Variants in MLLT10 observed in about 807,000 individuals in gnomAD.
MLLT10 encodes MLLT10 histone lysine methyltransferase DOT1L cofactor, also known as protein AF-10.
In MLLT10, 30 loss-of-function variants were observed where a neutral mutation model predicts 129.1. The ratio of observed to expected loss-of-function variants is 0.23; its 90% confidence interval spans 0.17 to 0.32. MLLT10 has a LOEUF of 0.32. Ranked by LOEUF, MLLT10 falls within the 10% of genes least tolerant of loss-of-function variation. The pLI is 1.00. For missense variants in MLLT10, 1,119 were observed against 1,268.3 expected (o/e 0.88, Z 1.79); for synonymous variants, 490 against 446.4 (o/e 1.10, Z -1.23).
intron 9 of MLLT10, among the ~76,000 whole-genome samples, chr10:21,653,642 A>G (rs1267256951): frequency 6.6e-6 from 1 of 152,172 alleles, no homozygotes; most frequent in Non-Finnish European, 1.5e-5. Context: ...TTGCCATGTA[A>G]TATAACATAT....
At chr10:21,719,848 T>C (rs982252289) in intron 14 of MLLT10, among the ~76,000 whole-genome samples, 2 of 152,244 alleles carry the variant, frequency 1.3e-5, no homozygotes, top group African/African-American at 4.8e-5. Context: ...CAGTGAGAAA[T>C]TGTACAGGAA....
chr10:21,581,465 G>A (rs1224743852), intron 3 of MLLT10, among the ~76,000 whole-genome samples: 1 of 152,180 alleles, frequency 6.6e-6, no homozygotes, highest in Non-Finnish European at 1.5e-5. Context: ...AAGTTGCTCT[G>A]GGTGAGTCAG....
chr10:21,705,815 A>G (rs1158718563), intron 13 of MLLT10, among the ~76,000 whole-genome samples: 2 of 152,170 alleles, frequency 1.3e-5, no homozygotes, highest in Non-Finnish European at 2.9e-5. Context: ...TAGAACATGT[A>G]TGGGATACAG....
chr10:21,536,728 G>A (rs993542015), intron 2 of MLLT10, among the ~76,000 whole-genome samples: 31 of 151,846 alleles, frequency 2.0e-4, no homozygotes, highest in African/African-American at 5.3e-4. Context: ...CAACCATGTC[G>A]GGCTAATTTT....
intron 13 of MLLT10, among the ~76,000 whole-genome samples, chr10:21,711,823 C>G (rs953554071): frequency 3.3e-5 from 5 of 152,188 alleles, no homozygotes; most frequent in Admixed American, 3.3e-4. Context: ...TGGCTCACCA[C>G]TTTTCTCACT....
chr10:21,647,333 G>A (rs2048596398), intron 8 of MLLT10, among the ~76,000 whole-genome samples: 1 of 152,126 alleles, frequency 6.6e-6, no homozygotes, highest in Non-Finnish European at 1.5e-5. Flanking sequence ...CACATGGTAT[G>A]AGTATTTTTA....
In MLLT10 at chr10:21,660,615, C is replaced by CAAAAAAAAAAA. The variant is rs55685640; in HGVS notation, c.795+8858_795+8868dup. 3.2e-3 allele frequency among the ~76,000 whole-genome samples: 135 copies of CAAAAAAAAAAA among 41,814 alleles called. 3 individuals carry two copies. The highest frequency in any genetic ancestry group is 0.013 in the African/African-American group (131 of 9,778). 27.4% of individuals were successfully genotyped at this position (41,814 alleles called of 152,430 possible). A position where few individuals can be genotyped will look rare whatever the true frequency, so the allele number is the denominator to read the frequency against. On this transcript the variant is annotated intron_variant, in intron 9 of 22. Transcript: ENST00000307729. ...CGGGTGACAGAGCAAGACTCCATCT[C>CAAAAAAAAAAA]AAAAAAAAAAAAAAAAAAAAAGCCA... is the stretch of plus-strand genomic sequence containing the variant.
At chr10:21,625,174 A>G in intron 8 of MLLT10, 1 of 1,439,672 alleles carries the variant, frequency 6.9e-7, no homozygotes, top group Non-Finnish European at 9.8e-7. Flanking sequence ...GATAATCTTC[A>G]TATGCAGTGC....
At chr10:21,596,873 A>G (rs2043068600) in intron 5 of MLLT10, among the ~76,000 whole-genome samples, 1 of 151,906 alleles carries the variant, frequency 6.6e-6, no homozygotes, top group South Asian at 2.1e-4. Flanking sequence ...TAATTTTGTT[A>G]CGTCTTCATA....
chr10:21,706,863 T>TTC (rs1215911795), intron 13 of MLLT10, among the ~76,000 whole-genome samples: 1 of 152,170 alleles, frequency 6.6e-6, no homozygotes, highest in East Asian at 1.9e-4. Context: ...TTTTCACATC[T>TTC]AGTGGGCTGA....
intron 5 of MLLT10, among the ~76,000 whole-genome samples, chr10:21,611,229 G>A (rs1273322768): frequency 6.7e-6 from 1 of 148,872 alleles, no homozygotes; most frequent in South Asian, 2.1e-4. Flanking sequence ...GGCTGGTCTC[G>A]AACTCCTGAC....
chr10:21,677,045 A>T (rs1416208320), intron 11 of MLLT10, among the ~76,000 whole-genome samples: 1 of 152,194 alleles, frequency 6.6e-6, no homozygotes, highest in Non-Finnish European at 1.5e-5. Flanking sequence ...ATTACTCATT[A>T]TATAGGACAA....
intron 10 of MLLT10, among the ~76,000 whole-genome samples, chr10:21,672,185 G>GTGTA (rs2051499367): frequency 6.6e-6 from 1 of 150,780 alleles, no homozygotes; most frequent in Admixed American, 6.6e-5. Context: ...GTGTGTGTGT[G>GTGTA]TGTGTGTGTG....
intron 21 of MLLT10, 93 bp downstream of exon 21, chr10:21,735,328 CATT>C (rs2058273766): frequency 1.8e-6 from 2 of 1,112,342 alleles, no homozygotes; most frequent in East Asian, 2.4e-5. Context: ...TGTGAAATAA[CATT>C]ATTGAATGCA....
intron 3 of MLLT10, chr10:21,572,072 A>G (rs577135655): frequency 1.3e-5 from 2 of 152,242 alleles, no homozygotes; most frequent in East Asian, 3.9e-4. Context: ...TTGCTAATTT[A>G]TATTTAGGTC....
intron 3 of MLLT10, among the ~76,000 whole-genome samples, chr10:21,558,529 TTTC>T (rs762689927): frequency 2.8e-4 from 43 of 151,478 alleles, no homozygotes; most frequent in South Asian, 4.2e-4. Flanking sequence ...ACTGAGCAAG[TTTC>T]TTCTTCTTTT....
chr10:21,656,865 C>A (rs1352230719), intron 9 of MLLT10, among the ~76,000 whole-genome samples: 1 of 151,986 alleles, frequency 6.6e-6, no homozygotes, highest in Non-Finnish European at 1.5e-5. Context: ...CTCTTTGTTT[C>A]TATGATTGGG....
chr10:21,635,131 A>G (rs1047731858), intron 8 of MLLT10, among the ~76,000 whole-genome samples: 1 of 152,196 alleles, frequency 6.6e-6, no homozygotes, highest in Non-Finnish European at 1.5e-5. Flanking sequence ...TGGCCAGTGC[A>G]GAACTCTTCC....
chr10:21,577,053 C>A (rs1291548849), intron 3 of MLLT10, among the ~76,000 whole-genome samples: 1 of 152,230 alleles, frequency 6.6e-6, no homozygotes, highest in African/African-American at 2.4e-5. Context: ...TTCCCCAGCT[C>A]CTGACAATCA....
Sources: gnomAD v4.1 joint callset for allele counts (sites outside exome capture counted in the v4.1 genomes callset) on GRCh38, gnomAD v4.1.1 for gene constraint, MANE v1.5 for transcripts, NCBI Gene and HGNC (gene_info 2026-07-23, HGNC 2026-07-21) for gene names.